Variants in DDX21 observed in about 807,000 individuals in gnomAD.
DDX21 encodes the protein DExD-box helicase 21.
A neutral mutation model predicts 90.0 loss-of-function variants in DDX21; 18 were observed. The observed-to-expected ratio is 0.20, with a 90% CI of 0.14 to 0.30. The LOEUF is 0.30. Among genes scored for constraint, DDX21 ranks in the 10% least tolerant of loss-of-function variants. The probability of loss-of-function intolerance (pLI) is 1.00; values close to 1 mark genes in which losing one functional copy is unlikely to be tolerated. For synonymous variants in DDX21, 294 were observed against 318.0 expected, an observed-to-expected ratio of 0.92 and a Z score of 0.80; for missense variants, 673 against 944.5, an observed-to-expected ratio of 0.71 and a Z score of 3.77.
chr10:68,963,458 C>T lies in DDX21; in HGVS notation c.775C>T (p.Arg259Cys), dbSNP rs769220817. Reference sequence around the variant, plus strand: ...GGAACTGCAAGACAGGAAGAGAGGCCGTGCCCCTCAGGTAACTGTCTTAAA... The same window carrying T: ...GGAACTGCAAGACAGGAAGAGAGGCTGTGCCCCTCAGGTAACTGTCTTAAA... ...HGELQDRKRG[R>C]APQVLVLAPT... The change falls in exon 4 of 15, where the codon CGT becomes TGT. Residue 259 changes from arginine (R) to cysteine (C), a missense_variant. Physicochemically the swap from Arg to Cys is radical, Grantham distance 180. This residue lies in a region of DDX21 where 218 missense variants were observed against 347.3 expected (regional missense o/e 0.63). Transcript: ENST00000354185. 3.1e-6 allele frequency: 5 copies of T among 1,611,180 alleles called. No individual in the cohort carries two copies. The highest frequency in any genetic ancestry group is 2.7e-5 in the African/African-American group (2 of 74,718).
In DDX21 at chr10:68,983,698, TAAAAAAAAAAA is replaced by T. The variant is rs3086423; in HGVS notation, c.*897_*907del. On this transcript the variant is annotated 3_prime_UTR_variant, in exon 15 of 15. Coordinates refer to ENST00000354185, the MANE Select transcript of DDX21 (RefSeq NM_004728.4). Reference sequence around the variant, plus strand: ...CAGATTAGCATTGCTCAAGAGTATGTAAAAAAAAAAAAAAAAAAAAAGAACCAAACCACTGG... The same window carrying T: ...CAGATTAGCATTGCTCAAGAGTATGTAAAAAAAAAAGAACCAAACCACTGG... 9.0e-6 allele frequency: 1 copy of T among 111,268 alleles called. No homozygotes were observed. Among genetic ancestry groups the T allele is most frequent in the Non-Finnish European group, 1.8e-5 (1 of 54,620 alleles). The allele number at this position is 111,268 out of a possible 1,614,324, so 6.9% of individuals were successfully genotyped here. A position where few individuals can be genotyped will look rare whatever the true frequency, so the allele number is the denominator to read the frequency against.
At chr10:68,959,030 T>A (rs1252597654) in intron 1 of DDX21, among the ~76,000 whole-genome samples, 1 of 152,010 alleles carries the variant, frequency 6.6e-6, no homozygotes, top group Non-Finnish European at 1.5e-5. Flanking sequence ...ACAAAAAAAA[T>A]CCCTGTTGTT....
At chr10:68,973,011 T>G (rs1843048439) in intron 9 of DDX21, among the ~76,000 whole-genome samples, 1 of 151,796 alleles carries the variant, frequency 6.6e-6, no homozygotes, top group Non-Finnish European at 1.5e-5. Context: ...ATGGTGAAAC[T>G]CTGTGAAACC....
Position 68,982,837 on chromosome 10 carries a change from A to G in DDX21, c.*25A>G. 1 of 1,610,254 alleles carries G rather than the reference A, an allele frequency of 6.2e-7. No homozygotes were observed. The highest frequency in any genetic ancestry group is 8.5e-7 in the Non-Finnish European group (1 of 1,177,612). On this transcript the variant is annotated 3_prime_UTR_variant, in exon 15 of 15. Coordinates refer to ENST00000354185, the MANE Select transcript of DDX21 (RefSeq NM_004728.4). ...ATTAGAAATAGAAGATTTATATAGCAAAAAGAGAATGATGTTTGGCAATAT... is the reference window on the plus strand; with the variant it reads ...ATTAGAAATAGAAGATTTATATAGCGAAAAGAGAATGATGTTTGGCAATAT...
intron 2 of DDX21, among the ~76,000 whole-genome samples, chr10:68,961,005 A>G (rs1459264966): frequency 6.6e-6 from 1 of 152,224 alleles, no homozygotes; most frequent in African/African-American, 2.4e-5. Flanking sequence ...GCCATTAAGT[A>G]ATCATCCTGG....
At chr10:68,979,087 A>C in intron 13 of DDX21, 111 bp downstream of exon 13, 1 of 1,451,494 alleles carries the variant, frequency 6.9e-7, no homozygotes, top group Non-Finnish European at 9.4e-7. Flanking sequence ...TCACTCTCTC[A>C]TCTTCCCTGG....
rs368648620 is a variant in DDX21, at chr10:68,981,524, C to T, written c.2038-13C>T. 6.1e-5 allele frequency: 99 copies of T among 1,611,404 alleles called. No homozygotes were observed. The highest frequency in any genetic ancestry group is 7.9e-5 in the Non-Finnish European group (93 of 1,178,832). On this transcript the variant is annotated splice_polypyrimidine_tract_variant and intron_variant, in intron 13 of 14. Transcript: ENST00000354185. ...CGTTGGTTGGATTAACTTCCATTTG[C>T]TTTGATTTCTAGGGTGTTTGCTTTG...
chr10:68,960,246 G>T lies in DDX21; in HGVS notation c.528G>T (p.Glu176Asp), dbSNP rs776619582. The change falls in exon 2 of 15, where the codon GAG becomes GAT. Residue 176 changes from glutamate to aspartate, a missense_variant. Glu to Asp is a conservative substitution (Grantham distance 45). Coordinates refer to ENST00000354185, the MANE Select transcript of DDX21 (RefSeq NM_004728.4). ...AASEESNSEI[E>D]QEIPVEQKEG... The stretch of plus-strand genomic sequence containing the variant: ...GTGAAGAAAGTAACAGTGAGATAGA[G>T]CAGGTACATTTGCACTTCATTGGGT... 6.3e-7 allele frequency: 1 copy of T among 1,591,484 alleles called. No individual in the cohort carries two copies. Among genetic ancestry groups the T allele is most frequent in the Admixed American group, 1.9e-5 (1 of 52,766 alleles).
At position 68,971,936 on chromosome 10, in the gene DDX21, A is replaced by G; in HGVS notation, c.1432A>G (p.Ile478Val). The G allele has an allele frequency of 6.2e-7, 1 of 1,614,188 alleles. No homozygotes were observed. Among genetic ancestry groups the G allele is most frequent in the Non-Finnish European group, 8.5e-7 (1 of 1,180,030 alleles). The change falls in exon 9 of 15, where the codon ATC becomes GTC. Residue 478 changes from isoleucine to valine, a missense_variant. Physicochemically the swap from Ile to Val is conservative, Grantham distance 29. Around this residue, in one of 4 missense-constraint regions of DDX21, gnomAD observed 218 missense variants for 347.3 expected, o/e 0.63. Coordinates refer to ENST00000354185, the MANE Select transcript of DDX21 (RefSeq NM_004728.4). ...AGACATTCCACAGAAGCAAAGGGAA[A>G]TCACCCTGAAAGGTTTTAGAAATGG... is the stretch of plus-strand genomic sequence containing the variant. The part of the protein sequence containing the change: ...HGDIPQKQRE[I>V]TLKGFRNGSF...
intron 1 of DDX21, among the ~76,000 whole-genome samples, chr10:68,958,274 C>T (rs1253778147): frequency 6.6e-6 from 1 of 151,444 alleles, no homozygotes; most frequent in African/African-American, 2.4e-5. Context: ...GCATCCTGCC[C>T]TTTTATTTTT....
Position 68,965,407 on chromosome 10 carries a change from G to A in DDX21, c.817G>A (p.Ala273Thr). 6.2e-7 allele frequency: 1 copy of A among 1,613,814 alleles called. No individual in the cohort carries two copies. The highest frequency in any genetic ancestry group is 8.5e-7 in the Non-Finnish European group (1 of 1,179,950). Residue 273 changes from alanine to threonine, a missense_variant, in exon 5 of 15, where the codon GCA (alanine) becomes ACA (threonine). Physicochemically the swap from Ala to Thr is moderately conservative, Grantham distance 58. Around this residue, in one of 4 missense-constraint regions of DDX21, gnomAD observed 218 missense variants for 347.3 expected, o/e 0.63. Transcript: ENST00000354185. ...VLVLAPTREL[A>T]NQVSKDFSDI... ...GGTTCTTGCACCTACAAGAGAGTTG[G>A]CAAATCAAGTAAGCAAAGACTTCAG... is the stretch of plus-strand genomic sequence containing the variant.
At chr10:68,956,467 T>C in intron 1 of DDX21, 155 bp downstream of exon 1, 2 of 1,461,912 alleles carry the variant, frequency 1.4e-6, no homozygotes, top group Non-Finnish European at 9.1e-7. Context: ...CGCCCAGGAG[T>C]GGTGCGCTCC....
At chr10:68,960,439 C>G (rs1425076348) in intron 2 of DDX21, among the ~76,000 whole-genome samples, 190 bp downstream of exon 2, 3 of 152,062 alleles carry the variant, frequency 2.0e-5, no homozygotes, top group African/African-American at 7.2e-5. Context: ...CATGGTGGCT[C>G]AGCTAAGAGT....
chr10:68,962,188 A>G (rs1285252912), intron 3 of DDX21, 31 bp downstream of exon 3: 10 of 1,498,772 alleles, frequency 6.7e-6, no homozygotes, highest in Non-Finnish European at 9.2e-6. Flanking sequence ...GTATGATGTT[A>G]GAACGTATTA....
At chr10:68,980,999 C>T (rs1452370294) in intron 13 of DDX21, among the ~76,000 whole-genome samples, 3 of 151,850 alleles carry the variant, frequency 2.0e-5, no homozygotes, top group Non-Finnish European at 4.4e-5. Flanking sequence ...TTTTTTCATA[C>T]TCTTACAGAA....
Position 68,983,035 on chromosome 10 carries a change from G to T in DDX21, c.*223G>T. On this transcript the variant is annotated 3_prime_UTR_variant, in exon 15 of 15. Transcript: ENST00000354185. The stretch of plus-strand genomic sequence containing the variant: ...TCTTCATCAGTTTTTCCTTTTGAAA[G>T]GTGTATGAATTCATTACATTTTTAT... The T allele has an allele frequency of 3.2e-6, 2 of 617,986 alleles. No homozygotes were observed. Among genetic ancestry groups the T allele is most frequent in the Non-Finnish European group, 2.7e-6 (1 of 365,020 alleles). 38.3% of individuals were successfully genotyped at this position (617,986 alleles called of 1,614,324 possible).
chr10:68,964,008 G>A lies in DDX21; in HGVS notation c.786+539G>A, dbSNP rs186329659. ...CCAACTACTTGGGAGGCTGAGGCAG[G>A]AGAATGGCGTGAATCCAGGAGGCGG... On this transcript the variant is annotated intron_variant, in intron 4 of 14. Transcript: ENST00000354185. The A allele has an allele frequency of 1.7e-3, 459 of 268,046 alleles. 1 individual carries two copies. The highest frequency in any genetic ancestry group is 6.9e-3 in the African/African-American group (298 of 43,108). 16.6% of individuals were successfully genotyped at this position (268,046 alleles called of 1,614,324 possible).
chr10:68,971,448 T>C (rs1242565562), intron 8 of DDX21, among the ~76,000 whole-genome samples: 1 of 152,092 alleles, frequency 6.6e-6, no homozygotes, highest in African/African-American at 2.4e-5. Flanking sequence ...AGTCTTGCCA[T>C]ATTGCCCAGG....
chr10:68,963,478 C>T lies in DDX21; in HGVS notation c.786+9C>T. 6.2e-7 allele frequency: 1 copy of T among 1,602,314 alleles called. No homozygotes were observed. ...GAGGCCGTGCCCCTCAGGTAACTGTCTTAAATACAAGGGCTCTCAGTCAGC... is the reference window on the plus strand; with the variant it reads ...GAGGCCGTGCCCCTCAGGTAACTGTTTTAAATACAAGGGCTCTCAGTCAGC... On this transcript the variant is annotated intron_variant, in intron 4 of 14. Transcript: ENST00000354185.
Sources: allele counts gnomAD v4.1 joint callset (sites outside exome capture counted in the v4.1 genomes callset), GRCh38; gene constraint gnomAD v4.1.1; regional missense constraint gnomAD v4.1.1; transcripts MANE v1.5; gene names NCBI Gene and HGNC (gene_info 2026-07-23, HGNC 2026-07-21).